STK33: variants seen among roughly 807,000 people sequenced by gnomAD.
The protein encoded by STK33 is serine/threonine kinase 33.
In STK33, 52 loss-of-function variants were observed where a neutral mutation model predicts 58.0. That is an observed-to-expected ratio of 0.90 (90% CI 0.72 to 1.13). The LOEUF (loss-of-function observed/expected upper bound fraction) is 1.13. Ranked by LOEUF, STK33 falls within the 50% of genes most tolerant of loss-of-function variation. The pLI, the probability that STK33 is intolerant of heterozygous loss-of-function variation, is 0.00. For synonymous variants in STK33, 215 were observed against 200.1 expected, an observed-to-expected ratio of 1.07 and a Z score of -0.63; for missense variants, 630 against 604.2, an observed-to-expected ratio of 1.04 and a Z score of -0.45.
intron 8 of STK33, among the ~76,000 whole-genome samples, chr11:8,458,284 A>G (rs1473548134): frequency 6.6e-6 from 1 of 152,178 alleles, no homozygotes; most frequent in Non-Finnish European, 1.5e-5. Flanking sequence ...AGGAGAAAGC[A>G]GCCATAAACA....
At chr11:8,387,123 T>C (rs145653618), downstream of STK33, among the ~76,000 whole-genome samples, 17 of 152,378 alleles carry the variant, frequency 1.1e-4, no homozygotes, top group Non-Finnish European at 1.9e-4. Context: ...GATATAGTGC[T>C]TGAGTCTCGA....
chr11:8,368,057 C>T, the STK33 span, among the ~76,000 whole-genome samples: 38,323 of 151,898 alleles, frequency 0.25, 5,702 homozygotes, highest in East Asian at 0.41. Flanking sequence ...TGAGGGTGGT[C>T]TCCATCCTCT....
chr11:8,542,961 T>C (rs916820311), intron 1 of STK33, among the ~76,000 whole-genome samples: 9 of 152,148 alleles, frequency 5.9e-5, no homozygotes, highest in African/African-American at 2.2e-4. Context: ...TCCACACGCC[T>C]CAGCCTCCCA....
intron 4 of STK33, chr11:8,475,899 G>T (rs1303106203): frequency 3.3e-5 from 5 of 152,086 alleles, no homozygotes; most frequent in Non-Finnish European, 5.9e-5. Context: ...GATAAACCTG[G>T]GGATATATGC....
chr11:8,490,071 C>T (rs370469378), intron 1 of STK33, among the ~76,000 whole-genome samples: 1 of 152,184 alleles, frequency 6.6e-6, no homozygotes, highest in East Asian at 1.9e-4. Context: ...ATGGGTTGGA[C>T]AGTGGGTGCA....
chr11:8,536,944 G>C, intron 1 of STK33, among the ~76,000 whole-genome samples: 2 of 89,162 alleles, frequency 2.2e-5, no homozygotes, highest in East Asian at 4.0e-4. Context: ...GCCATACCCA[G>C]CTAATTAAAA....
At chr11:8,573,419 T>C (rs1591850966) in intron 1 of STK33, among the ~76,000 whole-genome samples, 1 of 152,098 alleles carries the variant, frequency 6.6e-6, no homozygotes, top group Non-Finnish European at 1.5e-5. Flanking sequence ...AAATAAAAAA[T>C]AGTAGCAATA....
At chr11:8,488,270 G>A (rs1309078593) in intron 1 of STK33, among the ~76,000 whole-genome samples, 2 of 152,062 alleles carry the variant, frequency 1.3e-5, no homozygotes, top group African/African-American at 2.4e-5. Flanking sequence ...ATAACACTTG[G>A]AGCAACAACA....
the STK33 span, among the ~76,000 whole-genome samples, chr11:8,385,236 C>T: frequency 1.3e-5 from 2 of 152,228 alleles, no homozygotes; most frequent in Non-Finnish European, 2.9e-5. Context: ...CACTTTTGTT[C>T]CACTTTGCAT....
chr11:8,492,196 A>C (rs1006166127), intron 1 of STK33, among the ~76,000 whole-genome samples: 9 of 152,134 alleles, frequency 5.9e-5, no homozygotes, highest in Admixed American at 2.0e-4. Flanking sequence ...TATTCAGGAA[A>C]CCCATCTCAC....
chr11:8,401,643 T>C (rs1428132179), intron 15 of STK33, among the ~76,000 whole-genome samples: 1 of 152,128 alleles, frequency 6.6e-6, no homozygotes, highest in Non-Finnish European at 1.5e-5. Flanking sequence ...ACTAAAGAGC[T>C]TCTGCATAGC....
At chr11:8,522,546 G>A (rs1448744665) in intron 1 of STK33, among the ~76,000 whole-genome samples, 3 of 151,726 alleles carry the variant, frequency 2.0e-5, no homozygotes, top group Non-Finnish European at 4.4e-5. Flanking sequence ...CTCAAGAAAT[G>A]AAAGTGTAAC....
chr11:8,510,456 G>A (rs10840066), intron 1 of STK33, among the ~76,000 whole-genome samples: 39,811 of 151,966 alleles, frequency 0.26, 5,346 homozygotes, highest in South Asian at 0.33. Context: ...TGGGTTGTCT[G>A]TTTACTCTGT....
At chr11:8,592,146 A>C (rs2032710903) in intron 1 of STK33, among the ~76,000 whole-genome samples, 1 of 152,188 alleles carries the variant, frequency 6.6e-6, no homozygotes, top group African/African-American at 2.4e-5. Context: ...CCCAGGAAAC[A>C]GACTATGAAA....
chr11:8,590,402 T>C (rs768306935), intron 1 of STK33, among the ~76,000 whole-genome samples: 4 of 141,062 alleles, frequency 2.8e-5, no homozygotes, highest in Admixed American at 7.5e-5. Context: ...ATAGTCAATA[T>C]TGTTTACTAA....
chr11:8,577,214 T>C (rs989691235), intron 1 of STK33, among the ~76,000 whole-genome samples: 1 of 152,100 alleles, frequency 6.6e-6, no homozygotes, highest in Non-Finnish European at 1.5e-5. Context: ...ACAAATAAGC[T>C]AAAAAGCTAT....
intron 4 of STK33, chr11:8,475,487 T>C (rs1192336140): frequency 6.6e-6 from 1 of 152,200 alleles, no homozygotes. Flanking sequence ...TACTATGGTT[T>C]CAAATTTTAA....
At chr11:8,584,110 GAAAAAA>G (rs35914021) in intron 1 of STK33, among the ~76,000 whole-genome samples, 10 of 126,650 alleles carry the variant, frequency 7.9e-5, no homozygotes, top group African/African-American at 2.9e-4. Context: ...GAATTTAGAT[GAAAAAA>G]AAAAAAAAAA....
intron 6 of STK33, among the ~76,000 whole-genome samples, chr11:8,470,253 C>T (rs1260690997): frequency 6.6e-6 from 1 of 152,248 alleles, no homozygotes; most frequent in Non-Finnish European, 1.5e-5. Context: ...GCACTTGCTG[C>T]TTCCACCTTT....
Sources: allele counts gnomAD v4.1 joint callset (sites outside exome capture counted in the v4.1 genomes callset), GRCh38; gene constraint gnomAD v4.1.1; transcripts MANE v1.5; gene names NCBI Gene and HGNC (gene_info 2026-07-23, HGNC 2026-07-21).